Variants in ARHGAP26 observed in about 807,000 individuals in gnomAD.
The protein encoded by ARHGAP26 is rho GTPase-activating protein 26.
Under a neutral mutation model 104.8 loss-of-function variants are expected in ARHGAP26, and 38 were observed. The ratio of observed to expected loss-of-function variants is 0.36; its 90% CI spans 0.28 to 0.48. The LOEUF (loss-of-function observed/expected upper bound fraction) is 0.48. Ranked by LOEUF, ARHGAP26 falls within the 20% of genes least tolerant of loss-of-function variation. The probability of loss-of-function intolerance (pLI) is 0.99; values close to 1 mark genes in which losing one functional copy is unlikely to be tolerated. For missense variants in ARHGAP26, 704 were observed against 947.9 expected (o/e 0.74, Z 3.38); for synonymous variants, 341 against 340.0 (o/e 1.00, Z -0.03).
At chr5:142,787,725 A>G (rs1315179499) in intron 1 of ARHGAP26, among the ~76,000 whole-genome samples, 1 of 152,254 alleles carries the variant, frequency 6.6e-6, no homozygotes, top group Non-Finnish European at 1.5e-5. Context: ...TAGACAATAC[A>G]TGTTCATTAG....
chr5:143,050,833 A>G (rs1056896013), intron 14 of ARHGAP26, among the ~76,000 whole-genome samples: 1 of 152,194 alleles, frequency 6.6e-6, no homozygotes, highest in South Asian at 2.1e-4. Context: ...TACGGCTACT[A>G]ATCACAATCC....
At chr5:142,870,742 T>G (rs2152346566) in intron 1 of ARHGAP26, among the ~76,000 whole-genome samples, 1 of 152,300 alleles carries the variant, frequency 6.6e-6, no homozygotes, top group Middle Eastern at 3.4e-3. Context: ...TAACTGAGAC[T>G]TTATGACTAA....
At chr5:143,129,857 C>A (rs916858717) in intron 18 of ARHGAP26, among the ~76,000 whole-genome samples, 1 of 152,154 alleles carries the variant, frequency 6.6e-6, no homozygotes, top group Non-Finnish European at 1.5e-5. Flanking sequence ...CTCTGCAAGG[C>A]AGGTATTAGA....
intron 11 of ARHGAP26, among the ~76,000 whole-genome samples, chr5:142,994,411 C>A (rs1184319761): frequency 6.6e-6 from 1 of 152,136 alleles, no homozygotes; most frequent in Non-Finnish European, 1.5e-5. Context: ...TTATCAGAGG[C>A]CTCATGTAGA....
intron 17 of ARHGAP26, chr5:143,058,197 C>G (rs1389917782): frequency 2.5e-6 from 1 of 398,456 alleles, no homozygotes; most frequent in African/African-American, 2.0e-5. Flanking sequence ...TTAACCAGCC[C>G]TGAACAAACT....
intron 11 of ARHGAP26, among the ~76,000 whole-genome samples, chr5:142,955,903 T>C (rs1199391236): frequency 6.6e-6 from 1 of 152,234 alleles, no homozygotes; most frequent in Non-Finnish European, 1.5e-5. Context: ...TACTTGGCTT[T>C]ACTCCCTCAG....
intron 14 of ARHGAP26, among the ~76,000 whole-genome samples, chr5:143,048,583 C>G (rs114208796): frequency 0.017 from 2,619 of 151,396 alleles, 83 homozygotes; most frequent in African/African-American, 0.059. Flanking sequence ...TTATGATGTC[C>G]AGTCTGTTAT....
intron 9 of ARHGAP26, chr5:142,908,931 G>T: frequency 6.0e-6 from 1 of 167,046 alleles, no homozygotes. Context: ...CATTTCTATG[G>T]AGGTGACCTG....
chr5:143,227,117 A>G lies in ARHGAP26; in HGVS notation c.*4671A>G. The G allele has an allele frequency of 4.3e-6, 1 of 230,242 alleles. No individual in the cohort carries two copies. Among genetic ancestry groups the G allele is most frequent in the Non-Finnish European group, 8.6e-6 (1 of 116,242 alleles). The allele number at this position is 230,242 out of a possible 1,614,324, so 14.3% of individuals were successfully genotyped here. On this transcript the variant is annotated 3_prime_UTR_variant, in exon 23 of 23. Transcript: ENST00000645722. ...TGTCATCCTCTGGCTTCTGCTCCCAAAAGCAAGTCTGGATGACTGAGTTTT... is the reference window on the plus strand; with the variant it reads ...TGTCATCCTCTGGCTTCTGCTCCCAGAAGCAAGTCTGGATGACTGAGTTTT...
At chr5:143,172,657 T>A (rs1430158577) in intron 20 of ARHGAP26, among the ~76,000 whole-genome samples, 3 of 152,222 alleles carry the variant, frequency 2.0e-5, no homozygotes, top group Non-Finnish European at 4.4e-5. Flanking sequence ...GAGTCTGATA[T>A]TAAGCTGAAG....
intron 11 of ARHGAP26, among the ~76,000 whole-genome samples, chr5:142,938,082 GAAC>G (rs1427164324): frequency 6.6e-6 from 1 of 152,108 alleles, no homozygotes; most frequent in Admixed American, 6.5e-5. Context: ...GATGGAGTTT[GAAC>G]AACGAGTATA....
rs1276995544 is a variant in ARHGAP26 at position 143,225,395 on chromosome 5, G to T, written c.*2949G>T. On this transcript the variant is annotated 3_prime_UTR_variant, in exon 23 of 23. Coordinates refer to ENST00000645722, the MANE Select transcript of ARHGAP26 (RefSeq NM_001135608.3). Reference sequence around the variant, plus strand: ...GTAAAGATGGGGTTTTGCCATGTTTGCCAGGCTGATCTCGAACTCCTGACC... The same window carrying T: ...GTAAAGATGGGGTTTTGCCATGTTTTCCAGGCTGATCTCGAACTCCTGACC... The T allele has an allele frequency of 2.1e-5, 4 of 187,048 alleles. No individual in the cohort carries two copies. Among genetic ancestry groups the T allele is most frequent in the African/African-American group, 4.7e-5 (2 of 42,728 alleles). 11.6% of individuals were successfully genotyped at this position (187,048 alleles called of 1,614,324 possible).
At chr5:142,985,308 G>A (rs973586705) in intron 11 of ARHGAP26, among the ~76,000 whole-genome samples, 1 of 152,038 alleles carries the variant, frequency 6.6e-6, no homozygotes, top group Non-Finnish European at 1.5e-5. Flanking sequence ...GTAAACTAAG[G>A]TTAATTTATT....
intron 1 of ARHGAP26, among the ~76,000 whole-genome samples, chr5:142,785,747 CCTT>C (rs1227616437): frequency 1.3e-5 from 2 of 152,116 alleles, no homozygotes; most frequent in Non-Finnish European, 2.9e-5. Flanking sequence ...ACAGGAAAGC[CCTT>C]CTTCTTCACT....
In ARHGAP26 at chr5:143,085,817, C is replaced by T. The variant is rs3756376; in HGVS notation, c.1538+28070C>T. ...GAGGAAGGAAACAAACCTCCTTAAC[C>T]GAAAGAATGTCCTGAATTTCAAACT... is the stretch of plus-strand genomic sequence containing the variant. On this transcript the variant is annotated intron_variant, in intron 17 of 22. Coordinates refer to ENST00000645722, the MANE Select transcript of ARHGAP26 (RefSeq NM_001135608.3). 3.9e-3 allele frequency among the ~76,000 whole-genome samples: 591 copies of T among 152,276 alleles called. 18 individuals are homozygous for T. In the East Asian group the frequency reaches 0.078, roughly 20 times the overall value.
intron 1 of ARHGAP26, among the ~76,000 whole-genome samples, chr5:142,824,874 A>G (rs1208785768): frequency 6.6e-6 from 1 of 152,192 alleles, no homozygotes; most frequent in Non-Finnish European, 1.5e-5. Context: ...AGTGGGGGAG[A>G]ATCTGGCAAA....
chr5:142,838,655 T>C (rs1770100050), intron 1 of ARHGAP26, among the ~76,000 whole-genome samples: 1 of 152,250 alleles, frequency 6.6e-6, no homozygotes, highest in South Asian at 2.1e-4. Flanking sequence ...GAGTGTCCTG[T>C]ATATAGTGGG....
intron 17 of ARHGAP26, among the ~76,000 whole-genome samples, chr5:143,117,553 A>G (rs1038011999): frequency 6.6e-6 from 1 of 152,236 alleles, no homozygotes; most frequent in African/African-American, 2.4e-5. Context: ...ACCCAAAAAA[A>G]AGTTTCCTAA....
chr5:142,815,483 G>A (rs1371427251), intron 1 of ARHGAP26, among the ~76,000 whole-genome samples: 1 of 152,220 alleles, frequency 6.6e-6, no homozygotes, highest in Non-Finnish European at 1.5e-5. Context: ...GTTATATTTT[G>A]TGTTTTGTTA....
Sources: gnomAD v4.1 joint callset for allele counts (sites outside exome capture counted in the v4.1 genomes callset) on GRCh38, gnomAD v4.1.1 for gene constraint, MANE v1.5 for transcripts, NCBI Gene and HGNC (gene_info 2026-07-23, HGNC 2026-07-21) for gene names.